SULT1A1: variants seen among roughly 807,000 people sequenced by gnomAD.
SULT1A1 encodes the protein sulfotransferase 1A1.
A neutral mutation model predicts 36.8 loss-of-function variants in SULT1A1; 35 were observed. That is an observed-to-expected ratio of 0.95 (90% CI 0.73 to 1.26). The LOEUF (loss-of-function observed/expected upper bound fraction) is 1.26. SULT1A1 is among the 50% of genes most tolerant of loss of function. The probability of loss-of-function intolerance (pLI) is 0.00; values close to 1 mark genes in which losing one functional copy is unlikely to be tolerated. For missense variants in SULT1A1, 309 were observed against 383.0 expected (o/e 0.81, Z 1.61); for synonymous variants, 119 against 146.0 (o/e 0.82, Z 1.33).
intron 1 of SULT1A1, chr16:28,620,249 A>C: frequency 1.0e-6 from 1 of 967,324 alleles, no homozygotes; most frequent in Non-Finnish European, 1.6e-6. Context: ...ATCCATCAAT[A>C]TGACCCTCTG....
chr16:28,614,413 C>A (rs2047490303), upstream of SULT1A1: 1 of 134,720 alleles, frequency 7.4e-6, no homozygotes. Context: ...TCCGCCTCCT[C>A]CAGGAAGCCT....
At chr16:28,610,497 G>A (rs2047410581), upstream of SULT1A1, 2 of 318,704 alleles carry the variant, frequency 6.3e-6, no homozygotes, top group South Asian at 5.1e-5. Flanking sequence ...CAGCCCACAG[G>A]CCCCCAGCAG....
At chr16:28,616,540 G>A (rs1019068918) in intron 2 of SULT1A1, among the ~76,000 whole-genome samples, 6 of 151,850 alleles carry the variant, frequency 4.0e-5, no homozygotes, top group Non-Finnish European at 5.9e-5. Context: ...TGCTCACCTC[G>A]GCCTCTCAAA....
At chr16:28,606,302 C>G (rs1389083768) in intron 6 of SULT1A1, 66 bp from the exon 7 acceptor site, 11 of 1,608,242 alleles carry the variant, frequency 6.8e-6, no homozygotes, top group Middle Eastern at 3.3e-4. Flanking sequence ...AAAGGGGTCC[C>G]CTTCTCTAAC....
intron 1 of SULT1A1, among the ~76,000 whole-genome samples, chr16:28,621,423 A>G (rs1292959023): frequency 1.4e-5 from 2 of 141,104 alleles, no homozygotes; most frequent in African/African-American, 5.2e-5. Context: ...GGAGGTTTCA[A>G]TGAGCTGAGA....
chr16:28,609,907 G>A lies in SULT1A1; in HGVS notation c.-5+24C>T, dbSNP rs1255620185. 30 of 1,279,244 alleles carry A rather than the reference G, an allele frequency of 2.3e-5. 2 individuals are homozygous for A. The highest frequency in any genetic ancestry group is 2.8e-5 in the Non-Finnish European group (28 of 983,466). The allele number at this position is 1,279,244 out of a possible 1,614,324, so 79.2% of individuals were successfully genotyped here. A position where few individuals can be genotyped will look rare whatever the true frequency, so the allele number is the denominator to read the frequency against. ...AAGCTGAGCAGGGTGAGGGCGCCCT[G>A]GGCCGTTCCACTGTGTCACTCACCT... On this transcript the variant is annotated intron_variant, in intron 1 of 7. Transcript: ENST00000314752.
In SULT1A1 at chr16:28,605,847, T is replaced by A. The variant is rs1411338771; in HGVS notation, c.862A>T (p.Ser288Cys). The A allele has an allele frequency of 1.2e-6, 2 of 1,608,868 alleles. No homozygotes were observed. The highest frequency in any genetic ancestry group is 2.7e-5 in the African/African-American group (2 of 74,786). The change falls in exon 8 of 8, where the codon AGC becomes TGC. Residue 288 changes from serine (S) to cysteine (C), a missense_variant. Ser to Cys is a moderately radical substitution (Grantham distance 112). Coordinates refer to ENST00000314752, the MANE Select transcript of SULT1A1 (RefSeq NM_001055.4). ...ADYAEKMAGCSLSFRSEL is the reference protein window; with the variant it reads ...ADYAEKMAGCCLSFRSEL ...CACAGCTCAGAGCGGAAGCTGAGGC[T>A]GCAGCCTGCCATCTTCTCCGCATAG...
chr16:28,608,112 G>A (rs374217176), intron 4 of SULT1A1, 179 bp downstream of exon 4: 34 of 884,416 alleles, frequency 3.8e-5, no homozygotes, highest in African/African-American at 1.1e-4. Flanking sequence ...CTCAGGCTTC[G>A]GAGTAGCTGG....
chr16:28,615,662 C>T (rs1338854406), intron 2 of SULT1A1, among the ~76,000 whole-genome samples: 2 of 152,208 alleles, frequency 1.3e-5, no homozygotes, highest in East Asian at 3.9e-4. Context: ...CGGGTGACCA[C>T]TACCACCAAT....
chr16:28,610,264 G>GTT (rs538720119), upstream of SULT1A1: 48,707 of 343,458 alleles, frequency 0.14, 5,392 homozygotes, highest in Admixed American at 0.16. Flanking sequence ...TTTTTTTTCT[G>GTT]TTTTTTTTTT....
At position 28,605,587 on chromosome 16, in the gene SULT1A1, TTC is replaced by T. The variant is rs1223212405; in HGVS notation, c.*232_*233del. On this transcript the variant is annotated 3_prime_UTR_variant, in exon 8 of 8. Transcript: ENST00000314752. ...CTGCCTGGCCCACAATCATATTTTA[TTC>T]TCTTTTTAAAAATTGGTTTTATTTT... The T allele has an allele frequency of 4.1e-6, 3 of 725,630 alleles. No individual in the cohort carries two copies. The African/African-American group carries it at 5.1e-5, about 12-fold the overall frequency. 44.9% of individuals were successfully genotyped at this position (725,630 alleles called of 1,614,324 possible).
chr16:28,607,287 T>C (rs1429735270), intron 4 of SULT1A1: 2 of 839,298 alleles, frequency 2.4e-6, no homozygotes, highest in Non-Finnish European at 3.6e-6. Context: ...TCTATAGTAA[T>C]ATAATCTGCA....
rs766887325 is a variant in SULT1A1 at position 28,608,535 on chromosome 16, C to T, written c.217G>A (p.Ala73Thr). The T allele has an allele frequency of 8.1e-6, 13 of 1,612,356 alleles. No homozygotes were observed. The highest frequency in any genetic ancestry group is 1.1e-5 in the Non-Finnish European group (13 of 1,178,712). The change falls in exon 3 of 8, where the codon GCT becomes ACT. Residue 73 changes from alanine to threonine, a missense_variant. Ala to Thr is a moderately conservative substitution (Grantham distance 58). This residue lies in a region of SULT1A1 where 219 missense variants were observed against 215.3 expected (regional missense o/e 1.02). Coordinates refer to ENST00000314752, the MANE Select transcript of SULT1A1 (RefSeq NM_001055.4). Reference sequence around the variant, plus strand: ...AAGGGCACCCGCATGAAGATGGGAGCTCGGTGACACTTCTCCAGGTCACCA... The same window carrying T: ...AAGGGCACCCGCATGAAGATGGGAGTTCGGTGACACTTCTCCAGGTCACCA... ...QGGDLEKCHR[A>T]PIFMRVPFLE...
chr16:28,623,111 T>TCCC, intron 1 of SULT1A1: 1 of 859,446 alleles, frequency 1.2e-6, no homozygotes, highest in African/African-American at 2.4e-5. Flanking sequence ...ACCCCCCAGG[T>TCCC]TCCCCCCCCG....
exon 1 of SULT1A1, chr16:28,623,186 C>T (rs1278410671): frequency 1.9e-6 from 3 of 1,550,426 alleles, no homozygotes; most frequent in African/African-American, 2.7e-5. Context: ...CGCACAGCAA[C>T]TTGGCCAGCA....
intron 4 of SULT1A1, 56 bp from the exon 5 acceptor site, chr16:28,607,133 C>G: frequency 1.2e-6 from 2 of 1,602,004 alleles, no homozygotes; most frequent in East Asian, 2.2e-5. Context: ...TGTCCCAGGC[C>G]AGCTCATCTC....
chr16:28,608,974 C>T (rs1439289638), intron 1 of SULT1A1, 115 bp from the exon 2 acceptor site: 101 of 1,593,680 alleles, frequency 6.3e-5, no homozygotes, highest in South Asian at 5.3e-4. Context: ...GTGACTTGCC[C>T]GCACTCACAA....
upstream of SULT1A1, chr16:28,610,780 C>T (rs1334851619): frequency 6.5e-6 from 1 of 152,726 alleles, no homozygotes; most frequent in East Asian, 1.9e-4. Flanking sequence ...CCAGAGGAGG[C>T]CGAGGTTTGG....
chr16:28,616,143 C>CTCA (rs1392454462), intron 2 of SULT1A1, among the ~76,000 whole-genome samples: 1 of 152,156 alleles, frequency 6.6e-6, no homozygotes, highest in African/African-American at 2.4e-5. Context: ...CCGGTCACAC[C>CTCA]TCACTATGTC....
Sources: gnomAD v4.1 joint callset for allele counts (sites outside exome capture counted in the v4.1 genomes callset) on GRCh38, gnomAD v4.1.1 for gene constraint, gnomAD v4.1.1 regional missense constraint, MANE v1.5 for transcripts, NCBI Gene and HGNC (gene_info 2026-07-23, HGNC 2026-07-21) for gene names.